Variants in CALN1 observed in about 807,000 individuals in gnomAD.
CALN1 encodes calcium-binding protein 8.
Under a neutral mutation model 30.6 loss-of-function variants are expected in CALN1, and 17 were observed. That is an observed-to-expected ratio of 0.56 (90% CI 0.38 to 0.83). The LOEUF (loss-of-function observed/expected upper bound fraction) is 0.83, where lower values mean the gene tolerates loss of function less well. Among genes scored for constraint, CALN1 ranks in the 40% least tolerant of loss-of-function variants. CALN1 has a pLI of 0.00. For missense variants in CALN1, 291 were observed against 354.9 expected, an observed-to-expected ratio of 0.82 and a Z score of 1.45; for synonymous variants, 156 against 131.4, an observed-to-expected ratio of 1.19 and a Z score of -1.28.
At chr7:72,072,579 T>A (rs1027660634) in intron 4 of CALN1, among the ~76,000 whole-genome samples, 7 of 152,004 alleles carry the variant, frequency 4.6e-5, no homozygotes, top group Non-Finnish European at 7.4e-5. Flanking sequence ...GAAATAAAGA[T>A]CACAAAAAAA....
intron 5 of CALN1, among the ~76,000 whole-genome samples, chr7:71,888,461 TAAAAA>T (rs543941509): frequency 9.3e-6 from 1 of 107,116 alleles, no homozygotes; most frequent in African/African-American, 3.3e-5. Flanking sequence ...CATTTTTTCT[TAAAAA>T]AAAAAAAAAA....
intron 5 of CALN1, among the ~76,000 whole-genome samples, chr7:71,811,935 T>A (rs1284458120): frequency 6.6e-6 from 1 of 151,212 alleles, no homozygotes; most frequent in Non-Finnish European, 1.5e-5. Context: ...CGCCTCGGCC[T>A]CCCAAAGTGC....
chr7:71,851,208 AACACACACACACACACACACAC>A (rs56041427), intron 5 of CALN1, among the ~76,000 whole-genome samples: 3 of 132,096 alleles, frequency 2.3e-5, no homozygotes, highest in South Asian at 2.7e-4. Flanking sequence ...CCTTGTCTCA[AACACACACACACACACACACAC>A]ACACACACAC....
At chr7:72,187,123 T>C (rs1161811261) in intron 3 of CALN1, among the ~76,000 whole-genome samples, 1 of 152,136 alleles carries the variant, frequency 6.6e-6, no homozygotes, top group African/African-American at 2.4e-5. Flanking sequence ...GTATTATCAT[T>C]ATTATTATTG....
chr7:72,019,078 C>T (rs569359681), intron 5 of CALN1, among the ~76,000 whole-genome samples: 185 of 151,774 alleles, frequency 1.2e-3, no homozygotes, highest in African/African-American at 4.4e-3. Context: ...CTCAAACTCC[C>T]CGCCTCAACT....
intron 2 of CALN1, among the ~76,000 whole-genome samples, chr7:72,315,472 C>G (rs914526779): frequency 6.6e-6 from 1 of 151,948 alleles, no homozygotes; most frequent in Non-Finnish European, 1.5e-5. Flanking sequence ...AAACAGAGGC[C>G]GAGGCGGGAA....
rs78090151 is a variant in CALN1, at chr7:72,119,070, G to A, written c.245-12776C>T. On this transcript the variant is annotated intron_variant, in intron 3 of 6. Coordinates refer to ENST00000395275, the MANE Select transcript of CALN1 (RefSeq NM_031468.4). ...TCAAAATATTAACAGTGAACTTTCT[G>A]TGTGGTGAGATTACAGCTGATGTTT... Among the ~76,000 whole-genome samples the A allele has an allele frequency of 2.8e-3, 426 of 152,342 alleles. 2 individuals carry two copies. Among genetic ancestry groups the A allele is most frequent in the African/African-American group, 0.01 (419 of 41,582 alleles).
chr7:72,238,782 T>A (rs958959262), intron 3 of CALN1, among the ~76,000 whole-genome samples: 1 of 152,204 alleles, frequency 6.6e-6, no homozygotes, highest in African/African-American at 2.4e-5. Flanking sequence ...TGAGACCTCC[T>A]CAGCCCTGTA....
rs186112695 is a variant in CALN1 at position 72,436,354 on chromosome 7, C to A, written c.-226+10688G>T. 4.9e-4 allele frequency among the ~76,000 whole-genome samples: 74 copies of A among 152,328 alleles called. 1 individual carries two copies. In the South Asian group the frequency reaches 9.9e-3, roughly 20 times the overall value. ...AAGGGGGAGTTGCCCTGCACAAATT[C>A]TCTCTTGTCTGCTACCATGTAAGAT... On this transcript the variant is annotated intron_variant, in intron 1 of 6. Coordinates refer to the CALN1 transcript ENST00000395276.
intron 2 of CALN1, among the ~76,000 whole-genome samples, chr7:72,305,892 A>G (rs1386257075): frequency 6.6e-6 from 1 of 152,134 alleles, no homozygotes; most frequent in Admixed American, 6.6e-5. Flanking sequence ...TCGGGGAGAG[A>G]CAGAAAGAGG....
chr7:72,229,247 T>TA, intron 3 of CALN1, among the ~76,000 whole-genome samples: 1 of 151,958 alleles, frequency 6.6e-6, no homozygotes, highest in Non-Finnish European at 1.5e-5. Flanking sequence ...TTTGCAGATG[T>TA]AAAAAGAGAT....
intron 3 of CALN1, among the ~76,000 whole-genome samples, chr7:72,216,497 A>G (rs1562751377): frequency 6.6e-6 from 1 of 152,058 alleles, no homozygotes; most frequent in Non-Finnish European, 1.5e-5. Flanking sequence ...GAGAAGCCAT[A>G]ATTCTGTGTA....
intron 3 of CALN1, among the ~76,000 whole-genome samples, chr7:72,269,354 C>T (rs543603066): frequency 2.0e-5 from 3 of 151,926 alleles, no homozygotes; most frequent in East Asian, 3.9e-4. Flanking sequence ...GCTATCCCTC[C>T]CCCCTGCCCC....
intron 3 of CALN1, among the ~76,000 whole-genome samples, chr7:72,239,157 G>A (rs1429533005): frequency 6.6e-6 from 1 of 152,200 alleles, no homozygotes; most frequent in African/African-American, 2.4e-5. Flanking sequence ...AACAATTTGG[G>A]AGGCCAAGAC....
At chr7:72,162,598 G>A in intron 3 of CALN1, among the ~76,000 whole-genome samples, 1 of 151,966 alleles carries the variant, frequency 6.6e-6, no homozygotes, top group Non-Finnish European at 1.5e-5. Context: ...AATTAGCCAG[G>A]CATGGTGGTG....
intron 4 of CALN1, among the ~76,000 whole-genome samples, chr7:72,065,505 C>T (rs1803958227): frequency 6.6e-6 from 1 of 152,040 alleles, no homozygotes; most frequent in Non-Finnish European, 1.5e-5. Context: ...AAGACAACTA[C>T]CATATCTTCA....
chr7:72,112,593 T>C (rs1040920842), intron 3 of CALN1, among the ~76,000 whole-genome samples: 1 of 152,068 alleles, frequency 6.6e-6, no homozygotes, highest in Admixed American at 6.5e-5. Flanking sequence ...AAGGAAGAAA[T>C]TGGGCAGGGA....
chr7:71,882,032 CT>C (rs1368363261), intron 5 of CALN1, among the ~76,000 whole-genome samples: 66 of 152,074 alleles, frequency 4.3e-4, no homozygotes, highest in African/African-American at 1.4e-3. Context: ...GATTGTGCTA[CT>C]GGACTCCAGC....
intron 3 of CALN1, among the ~76,000 whole-genome samples, chr7:72,197,686 T>G (rs1046190151): frequency 6.6e-6 from 1 of 151,766 alleles, no homozygotes; most frequent in Non-Finnish European, 1.5e-5. Context: ...AATAAATAAA[T>G]AAACAAATAA....
Sources: gnomAD v4.1 joint callset for allele counts (sites outside exome capture counted in the v4.1 genomes callset) on GRCh38, gnomAD v4.1.1 for gene constraint, MANE v1.5 for transcripts, NCBI Gene and HGNC (gene_info 2026-07-23, HGNC 2026-07-21) for gene names.